Variants in SPIDR observed in about 807,000 individuals in gnomAD.
SPIDR encodes scaffold protein involved in DNA repair.
Under a neutral mutation model 104.6 loss-of-function variants are expected in SPIDR, and 93 were observed. The observed-to-expected ratio is 0.89, with a 90% CI of 0.75 to 1.06. The LOEUF is 1.06. SPIDR is among the 50% of genes least tolerant of loss of function. SPIDR has a pLI of 0.00. For synonymous variants in SPIDR, 431 were observed against 416.9 expected (o/e 1.03, Z -0.41); for missense variants, 1,154 against 1,111.2 (o/e 1.04, Z -0.55).
chr8:47,727,442 C>T, intron 17 of SPIDR, 149 bp downstream of exon 17: 3 of 663,814 alleles, frequency 4.5e-6, no homozygotes, highest in South Asian at 1.9e-5. Flanking sequence ...AGGGAAGAGG[C>T]CTCTGGGGCC....
chr8:47,388,506 C>T (rs1438428302), intron 5 of SPIDR: 1 of 154,180 alleles, frequency 6.5e-6, no homozygotes, highest in African/African-American at 2.4e-5. Flanking sequence ...ACCTCACCAG[C>T]ATGAGCTCAT....
chr8:47,476,316 G>A (rs2076291986), intron 8 of SPIDR, among the ~76,000 whole-genome samples: 1 of 152,130 alleles, frequency 6.6e-6, no homozygotes. Flanking sequence ...GATCGAGATT[G>A]GACAGGCTCC....
At chr8:47,445,119 A>G (rs117768298) in intron 8 of SPIDR, among the ~76,000 whole-genome samples, 95 of 152,246 alleles carry the variant, frequency 6.2e-4, no homozygotes, top group Non-Finnish European at 1.1e-3. Flanking sequence ...TTATTTTACT[A>G]TGCTTTTTTG....
intron 5 of SPIDR, among the ~76,000 whole-genome samples, chr8:47,322,974 G>A (rs574108358): frequency 6.6e-6 from 1 of 152,030 alleles, no homozygotes; most frequent in South Asian, 2.1e-4. Context: ...GCATTAGGAG[G>A]TATACCTAAT....
At chr8:47,667,229 C>T (rs915421792) in intron 10 of SPIDR, among the ~76,000 whole-genome samples, 3 of 151,832 alleles carry the variant, frequency 2.0e-5, no homozygotes, top group Non-Finnish European at 2.9e-5. Context: ...TGCAGTGACC[C>T]GAGATCATGC....
At chr8:47,386,179 G>A (rs2059885809) in intron 5 of SPIDR, among the ~76,000 whole-genome samples, 1 of 151,810 alleles carries the variant, frequency 6.6e-6, no homozygotes, top group African/African-American at 2.4e-5. Context: ...ATCAATTTGG[G>A]TATACTTCAG....
intron 8 of SPIDR, among the ~76,000 whole-genome samples, chr8:47,475,944 C>A (rs1010014523): frequency 3.9e-5 from 6 of 152,086 alleles, no homozygotes; most frequent in African/African-American, 1.4e-4. Context: ...AAAGACATAG[C>A]ATTTAAGAAA....
chr8:47,468,497 A>G (rs1554718959), intron 8 of SPIDR, among the ~76,000 whole-genome samples: 1 of 152,230 alleles, frequency 6.6e-6, no homozygotes, highest in East Asian at 1.9e-4. Flanking sequence ...TACTGGTACA[A>G]AAACAGACAC....
At chr8:47,614,100 T>C (rs1282282645) in intron 10 of SPIDR, among the ~76,000 whole-genome samples, 1 of 152,172 alleles carries the variant, frequency 6.6e-6, no homozygotes, top group Non-Finnish European at 1.5e-5. Flanking sequence ...AGCTCCCCCT[T>C]GTAAGTGAGA....
chr8:47,593,513 TC>T (rs1244359254), intron 8 of SPIDR, among the ~76,000 whole-genome samples: 2 of 152,234 alleles, frequency 1.3e-5, no homozygotes, highest in Non-Finnish European at 2.9e-5. Context: ...CTATTAACTG[TC>T]TTTATTCATT....
At chr8:47,734,922 G>A (rs2085939378) in intron 19 of SPIDR, among the ~76,000 whole-genome samples, 1 of 152,230 alleles carries the variant, frequency 6.6e-6, no homozygotes. Context: ...CCCTCAACCG[G>A]AAGTGTTGCT....
At chr8:47,706,643 A>ATCCCT (rs2081135093) in intron 14 of SPIDR, among the ~76,000 whole-genome samples, 3 of 152,194 alleles carry the variant, frequency 2.0e-5, no homozygotes, top group Admixed American at 6.5e-5. Flanking sequence ...TAGCGCTGGC[A>ATCCCT]ACCACTCACA....
rs557293666 is a variant in SPIDR at position 47,490,478 on chromosome 8, C to T, written c.1097+49936C>T. On this transcript the variant is annotated intron_variant, in intron 8 of 19. Coordinates refer to ENST00000297423, the MANE Select transcript of SPIDR (RefSeq NM_001080394.4). ...CTAGAACTAGAAATACCATTTGACC[C>T]AGCCATCCCATTACTGGGTATATAC... Among the ~76,000 whole-genome samples the T allele has an allele frequency of 2.0e-4, 31 of 152,306 alleles. 1 individual carries two copies. Among genetic ancestry groups the T allele is most frequent in the African/African-American group, 7.2e-4 (30 of 41,558 alleles).
At chr8:47,614,757 T>C (rs1311928959) in intron 10 of SPIDR, among the ~76,000 whole-genome samples, 1 of 152,176 alleles carries the variant, frequency 6.6e-6, no homozygotes, top group Non-Finnish European at 1.5e-5. Context: ...TGGTTCTAGG[T>C]CTTTGAGGAA....
chr8:47,700,285 C>G (rs865954595), intron 11 of SPIDR, 118 bp from the exon 12 acceptor site: 4 of 1,058,964 alleles, frequency 3.8e-6, no homozygotes, highest in African/African-American at 1.6e-5. Flanking sequence ...CCACACATCT[C>G]GAATTGTAGT....
At chr8:47,314,282 CAA>C (rs1365430199) in intron 5 of SPIDR, among the ~76,000 whole-genome samples, 3 of 151,890 alleles carry the variant, frequency 2.0e-5, no homozygotes, top group East Asian at 1.9e-4. Flanking sequence ...AACTAAAAAA[CAA>C]GAGAAGTCAA....
chr8:47,585,263 G>T (rs966855032), intron 8 of SPIDR, among the ~76,000 whole-genome samples: 1 of 152,168 alleles, frequency 6.6e-6, no homozygotes, highest in Non-Finnish European at 1.5e-5. Context: ...AACTAGTACT[G>T]ATAATTGGAC....
chr8:47,714,683 T>C (rs1353180872), intron 16 of SPIDR, among the ~76,000 whole-genome samples: 1 of 152,184 alleles, frequency 6.6e-6, no homozygotes, highest in Non-Finnish European at 1.5e-5. Flanking sequence ...AATGATTTAC[T>C]GCACATTATT....
chr8:47,632,575 C>CT (rs1408816362), intron 10 of SPIDR, among the ~76,000 whole-genome samples: 2 of 151,922 alleles, frequency 1.3e-5, no homozygotes, highest in Admixed American at 1.3e-4. Context: ...AATCATAAAA[C>CT]TTTTTTTTGC....
Sources: gnomAD v4.1 joint callset for allele counts (sites outside exome capture counted in the v4.1 genomes callset) on GRCh38, gnomAD v4.1.1 for gene constraint, MANE v1.5 for transcripts, NCBI Gene and HGNC (gene_info 2026-07-23, HGNC 2026-07-21) for gene names.